Variants in CD58 observed in about 807,000 individuals in gnomAD.
CD58 encodes the protein lymphocyte function-associated antigen 3.
In CD58, 14 loss-of-function variants were observed where a neutral mutation model predicts 27.6. That is an observed-to-expected ratio of 0.51 (90% CI 0.34 to 0.79). The LOEUF (loss-of-function observed/expected upper bound fraction) is 0.79. Ranked by LOEUF, CD58 falls within the 30% of genes least tolerant of loss-of-function variation. CD58 has a pLI of 0.02. For synonymous variants in CD58, 117 were observed against 103.8 expected (o/e 1.13, Z -0.77); for missense variants, 268 against 301.7 (o/e 0.89, Z 0.83).
In CD58 at chr1:116,515,460, T is replaced by C. The variant is rs551069997; in HGVS notation, c.744-638A>G. Among the ~76,000 whole-genome samples, 1 of 152,154 alleles carries C rather than the reference T, an allele frequency of 6.6e-6. No individual in the cohort carries two copies. The highest frequency in any genetic ancestry group is 1.9e-4 in the East Asian group (1 of 5,180). On this transcript the variant is annotated intron_variant, in intron 5 of 5. Transcript: ENST00000369489. The surrounding 1 kb of genome is among the most constrained non-coding windows in gnomAD (Gnocchi z 4.6). ...GAAATTAGTGCTGTGGTCACAGGGG[T>C]GAGGTAAAGGACAGCAAACTAGAAG...
Position 116,566,546 on chromosome 1 carries a change from C to T in CD58, c.70+4357G>A, listed in dbSNP as rs574127897. The stretch of plus-strand genomic sequence containing the variant: ...AAAGAAACCAGGGAACCTAATGATT[C>T]GAAGGCTGAGGCAGGAACACTACAA... On this transcript the variant is annotated intron_variant, in intron 1 of 5. Transcript: ENST00000369489. 2.1e-3 allele frequency among the ~76,000 whole-genome samples: 315 copies of T among 152,252 alleles called. 1 individual carries two copies. Among genetic ancestry groups the T allele is most frequent in the African/African-American group, 6.9e-3 (286 of 41,536 alleles).
rs186096893 is a variant in CD58, at chr1:116,531,302, T to C, written c.628+4663A>G. The stretch of plus-strand genomic sequence containing the variant: ...TCCATGTAATTCTATAGAGGGATCT[T>C]ACTCAGAAATTATTTCCTTCAAGTA... On this transcript the variant is annotated intron_variant, in intron 3 of 5. Coordinates refer to ENST00000369489, the MANE Select transcript of CD58 (RefSeq NM_001779.3). The surrounding 1 kb of genome is among the most constrained non-coding windows in gnomAD (Gnocchi z 4.5). Among the ~76,000 whole-genome samples the C allele has an allele frequency of 2.6e-5, 4 of 152,358 alleles. No individual in the cohort carries two copies. The highest frequency in any genetic ancestry group is 1.3e-4 in the Admixed American group (2 of 15,306).
At chr1:116,551,343 T>C (rs533633133) in intron 1 of CD58, among the ~76,000 whole-genome samples, 1 of 152,362 alleles carries the variant, frequency 6.6e-6, no homozygotes, top group Admixed American at 6.5e-5. Context: ...TTCTTGCAGC[T>C]TCTACATCAA....
Position 116,558,153 on chromosome 1 carries a change from CA to C in CD58, c.70+12749del, listed in dbSNP as rs34264439. ...CAGGTAAAGTAAAAGTTCATTTGAC[CA>C]AAAAAAAAAAAAAAAGAAAGAAAAA... On this transcript the variant is annotated intron_variant, in intron 1 of 5. Coordinates refer to ENST00000369489, the MANE Select transcript of CD58 (RefSeq NM_001779.3). Among the ~76,000 whole-genome samples the C allele has an allele frequency of 9.9e-3, 945 of 95,094 alleles. 1 individual carries two copies. The highest frequency in any genetic ancestry group is 0.023 in the African/African-American group (578 of 24,718). 62.4% of individuals were successfully genotyped at this position (95,094 alleles called of 152,430 possible). A position where few individuals can be genotyped will look rare whatever the true frequency, so the allele number is the denominator to read the frequency against.
chr1:116,546,649 A>G lies in CD58; in HGVS notation c.71-2045T>C, dbSNP rs1658183439. Among the ~76,000 whole-genome samples the G allele has an allele frequency of 6.6e-6, 1 of 152,192 alleles. No homozygotes were observed. The highest frequency in any genetic ancestry group is 2.4e-5 in the African/African-American group (1 of 41,438). On this transcript the variant is annotated intron_variant, in intron 1 of 5. Coordinates refer to ENST00000369489, the MANE Select transcript of CD58 (RefSeq NM_001779.3). The surrounding 1 kb of genome is among the most constrained non-coding windows in gnomAD (Gnocchi z 4.1). ...TAAACTGCCATACCCTGGCGGCATGAAGATGTCTTTTGTCTTTCCCAGGGA... is the reference window on the plus strand; with the variant it reads ...TAAACTGCCATACCCTGGCGGCATGGAGATGTCTTTTGTCTTTCCCAGGGA...
chr1:116,560,079 A>T (rs1658708685), intron 1 of CD58: 2 of 153,250 alleles, frequency 1.3e-5, no homozygotes, highest in South Asian at 4.1e-4. Context: ...AAAAATAGCA[A>T]AAACCACAAT....
At chr1:116,543,082 C>A (rs1658044008) in intron 2 of CD58, among the ~76,000 whole-genome samples, 1 of 152,174 alleles carries the variant, frequency 6.6e-6, no homozygotes, top group Non-Finnish European at 1.5e-5. Flanking sequence ...TCTGCAACCA[C>A]ATGGGTGTGA....
chr1:116,547,518 A>G (rs1422058875), intron 1 of CD58, among the ~76,000 whole-genome samples: 1 of 151,528 alleles, frequency 6.6e-6, no homozygotes, highest in African/African-American at 2.4e-5. Flanking sequence ...TTTAGTAAAG[A>G]CGGGGTTTCA....
rs938967029 is a variant in CD58 at position 116,524,680 on chromosome 1, T to G, written c.629-2697A>C. On this transcript the variant is annotated intron_variant, in intron 3 of 5. Transcript: ENST00000369489. This position sits in a 1 kb window ranked among gnomAD's most constrained non-coding sequence, Gnocchi z 4.6. The stretch of plus-strand genomic sequence containing the variant: ...CAACAATATAAATATTCATTTGCAT[T>G]TTCCTGCAATACATACTCAACAGTA... Among the ~76,000 whole-genome samples the G allele has an allele frequency of 6.6e-6, 1 of 152,256 alleles. No individual in the cohort carries two copies. Among genetic ancestry groups the G allele is most frequent in the African/African-American group, 2.4e-5 (1 of 41,472 alleles).
At chr1:116,526,996 G>A (rs1657451761) in intron 3 of CD58, among the ~76,000 whole-genome samples, 1 of 151,960 alleles carries the variant, frequency 6.6e-6, no homozygotes, top group South Asian at 2.1e-4. Context: ...TGCTGTTATA[G>A]AAAAGTGATT....
Position 116,557,727 on chromosome 1 carries a change from G to A in CD58, c.71-13123C>T, listed in dbSNP as rs1658608789. On this transcript the variant is annotated intron_variant, in intron 1 of 5. Coordinates refer to ENST00000369489, the MANE Select transcript of CD58 (RefSeq NM_001779.3). This position sits in a 1 kb window ranked among gnomAD's most constrained non-coding sequence, Gnocchi z 5.2. ...CTCATTCTGTCACCCAGGTTGGTGTGCAGTGGTGCAATCGTGGCTCACTGT... is the reference window on the plus strand; with the variant it reads ...CTCATTCTGTCACCCAGGTTGGTGTACAGTGGTGCAATCGTGGCTCACTGT... Among the ~76,000 whole-genome samples the A allele has an allele frequency of 6.6e-6, 1 of 151,396 alleles. No individual in the cohort carries two copies. The highest frequency in any genetic ancestry group is 2.4e-5 in the African/African-American group (1 of 41,084).
chr1:116,558,277 G>A (rs1242331400), intron 1 of CD58, among the ~76,000 whole-genome samples: 3 of 152,016 alleles, frequency 2.0e-5, no homozygotes, highest in East Asian at 1.9e-4. Flanking sequence ...TTAAAGCCTC[G>A]TGCAAGCCCA....
chr1:116,518,832 G>C, intron 5 of CD58: 7 of 1,025,670 alleles, frequency 6.8e-6, no homozygotes, highest in Non-Finnish European at 8.2e-6. Flanking sequence ...TCTGGGATGG[G>C]AGGTGGAGGG....
rs1454111160 is a variant in CD58 at position 116,531,127 on chromosome 1, CT to C, written c.628+4837del. On this transcript the variant is annotated intron_variant, in intron 3 of 5. Transcript: ENST00000369489. This position sits in a 1 kb window ranked among gnomAD's most constrained non-coding sequence, Gnocchi z 4.5. ...AATCAATAAGAGGAATATCATTCCTCTTATGATCTTTTACCAGACTATTTAC... is the reference window on the plus strand; with the variant it reads ...AATCAATAAGAGGAATATCATTCCTCTATGATCTTTTACCAGACTATTTAC... Among the ~76,000 whole-genome samples the C allele has an allele frequency of 6.6e-6, 1 of 152,154 alleles. No individual in the cohort carries two copies. Among genetic ancestry groups the C allele is most frequent in the Non-Finnish European group, 1.5e-5 (1 of 68,016 alleles).
Position 116,552,391 on chromosome 1 carries a change from G to A in CD58, c.71-7787C>T, listed in dbSNP as rs374988549. 3.3e-5 allele frequency among the ~76,000 whole-genome samples: 5 copies of A among 152,294 alleles called. No homozygotes were observed. Among genetic ancestry groups the A allele is most frequent in the Non-Finnish European group, 4.4e-5 (3 of 68,022 alleles). On this transcript the variant is annotated intron_variant, in intron 1 of 5. Transcript: ENST00000369489. The surrounding 1 kb of genome is among the most constrained non-coding windows in gnomAD (Gnocchi z 4.5). The stretch of plus-strand genomic sequence containing the variant: ...ATAACAGATATGATAATGAAAAAGC[G>A]TTAAATATTGTGGGAATTACTAAAA...
At position 116,523,190 on chromosome 1, in the gene CD58, T is replaced by A. The variant is rs1229999897; in HGVS notation, c.629-1207A>T. ...ATATTTACTGCAGCCTTACTTAATA[T>A]ACCATAAGGCAAAAACAACCTAAGT... is the stretch of plus-strand genomic sequence containing the variant. On this transcript the variant is annotated intron_variant, in intron 3 of 5. Transcript: ENST00000369489. This position sits in a 1 kb window ranked among gnomAD's most constrained non-coding sequence, Gnocchi z 4.4. Among the ~76,000 whole-genome samples, 1 of 152,208 alleles carries A rather than the reference T, an allele frequency of 6.6e-6. No homozygotes were observed.
rs1187754023 is a variant in CD58 at position 116,519,587 on chromosome 1, T to C, written c.707-320A>G. ...GGACCAGTGCTGTCCAATAGAAATA[T>C]AATGCAAGCCACATAAGTAATTTAA... On this transcript the variant is annotated intron_variant, in intron 4 of 5. Coordinates refer to ENST00000369489, the MANE Select transcript of CD58 (RefSeq NM_001779.3). The surrounding 1 kb of genome is among the most constrained non-coding windows in gnomAD (Gnocchi z 4.7). Among the ~76,000 whole-genome samples the C allele has an allele frequency of 6.6e-6, 1 of 152,110 alleles. No homozygotes were observed. The highest frequency in any genetic ancestry group is 1.5e-5 in the Non-Finnish European group (1 of 68,008).
rs1228202078 is a variant in CD58, at chr1:116,536,279, TATC to T, written c.365-54_365-52del. ...TACAGAAAATAGTAATATTTAGACTTATCATCTGCAAATTTATGAAGAGCTCGC... is the reference window on the plus strand; with the variant it reads ...TACAGAAAATAGTAATATTTAGACTTATCTGCAAATTTATGAAGAGCTCGC... On this transcript the variant is annotated intron_variant, in intron 2 of 5. Transcript: ENST00000369489. The surrounding 1 kb of genome is among the most constrained non-coding windows in gnomAD (Gnocchi z 5.4). The T allele has an allele frequency of 7.1e-7, 1 of 1,407,852 alleles. No individual in the cohort carries two copies. The highest frequency in any genetic ancestry group is 1.3e-5 in the South Asian group (1 of 75,890). The allele number at this position is 1,407,852 out of a possible 1,614,324, so 87.2% of individuals were successfully genotyped here.
In CD58 at chr1:116,544,432, A is replaced by T. The variant is rs1658087465; in HGVS notation, c.243T>A (p.Val81=). ...GGCTACCTGACACAGTGTCTAAATAAACCCTATTTTTAAAAGATGAGAAAG... is the reference window on the plus strand; with the variant it reads ...GGCTACCTGACACAGTGTCTAAATATACCCTATTTTTAAAAGATGAGAAAG... ...FRAFSSFKNR[V]YLDTVSGSLT... The change falls in exon 2 of 6, where the codon GTT becomes GTA. Residue 81 remains valine, a synonymous_variant. Transcript: ENST00000369489. 1.2e-6 allele frequency: 2 copies of T among 1,613,834 alleles called. No homozygotes were observed. The highest frequency in any genetic ancestry group is 2.2e-5 in the South Asian group (2 of 91,080).
Sources: gnomAD v4.1 joint callset for allele counts (sites outside exome capture counted in the v4.1 genomes callset) on GRCh38, gnomAD v4.1.1 for gene constraint, Gnocchi (gnomAD v3.1) non-coding constraint, MANE v1.5 for transcripts, NCBI Gene and HGNC (gene_info 2026-07-23, HGNC 2026-07-21) for gene names.